Variants in ROBO2 observed in about 807,000 individuals in gnomAD.
ROBO2 encodes roundabout homolog 2.
A neutral mutation model predicts 160.8 loss-of-function variants in ROBO2; 53 were observed. That is an observed-to-expected ratio of 0.33 (90% CI 0.26 to 0.41). The LOEUF is 0.41. Ranked by LOEUF, ROBO2 falls within the 10% of genes least tolerant of loss-of-function variation. The pLI is 1.00. For missense variants in ROBO2, 1,577 were observed against 1,722.4 expected (o/e 0.92, Z 1.49); for synonymous variants, 664 against 611.7 (o/e 1.09, Z -1.26).
intron 19 of ROBO2, among the ~76,000 whole-genome samples, chr3:77,599,235 A>G (rs9873300): frequency 0.75 from 114,482 of 151,892 alleles, 43,406 homozygotes; most frequent in Admixed American, 0.81. Context: ...GCATAGTAAT[A>G]TATGAAATAG....
At chr3:77,285,403 G>T (rs2060515876) in intron 2 of ROBO2, among the ~76,000 whole-genome samples, 1 of 152,186 alleles carries the variant, frequency 6.6e-6, no homozygotes, top group Non-Finnish European at 1.5e-5. Flanking sequence ...AAAACCGTCT[G>T]CTATACAATC....
intron 2 of ROBO2, among the ~76,000 whole-genome samples, chr3:77,242,910 T>C (rs1362057870): frequency 6.6e-6 from 1 of 151,160 alleles, no homozygotes; most frequent in African/African-American, 2.4e-5. Flanking sequence ...ATGAATTAAA[T>C]GAGAGCGGTA....
intron 2 of ROBO2, among the ~76,000 whole-genome samples, chr3:76,384,073 G>A (rs2076765656): frequency 6.6e-6 from 1 of 152,212 alleles, no homozygotes; most frequent in Admixed American, 6.5e-5. Context: ...TACAGTTGCA[G>A]ATTATAAATA....
intron 2 of ROBO2, among the ~76,000 whole-genome samples, chr3:76,753,905 CCTTTT>C (rs1414103656): frequency 6.6e-6 from 1 of 151,756 alleles, no homozygotes; most frequent in Non-Finnish European, 1.5e-5. Flanking sequence ...AAACTATTGC[CCTTTT>C]CTTTGTCCAG....
chr3:76,329,366 G>T (rs1322549170), intron 2 of ROBO2, among the ~76,000 whole-genome samples: 1 of 152,080 alleles, frequency 6.6e-6, no homozygotes, highest in Admixed American at 6.6e-5. Flanking sequence ...TGCAGGTGTG[G>T]ACCACCACAC....
chr3:76,968,223 C>G (rs1298139584), intron 2 of ROBO2, among the ~76,000 whole-genome samples: 1 of 152,116 alleles, frequency 6.6e-6, no homozygotes, highest in Admixed American at 6.5e-5. Context: ...CTCTCTAGAA[C>G]ATATATGAGG....
chr3:77,626,235 T>G (rs1421263470), intron 23 of ROBO2, among the ~76,000 whole-genome samples: 1 of 152,234 alleles, frequency 6.6e-6, no homozygotes, highest in Admixed American at 6.5e-5. Flanking sequence ...ACATTAGTCC[T>G]TTTTCCTTAT....
chr3:76,810,959 C>G (rs1156320949), intron 2 of ROBO2, among the ~76,000 whole-genome samples: 1 of 152,036 alleles, frequency 6.6e-6, no homozygotes, highest in African/African-American at 2.4e-5. Context: ...AAGTTACTTG[C>G]CTAATGAACC....
intron 2 of ROBO2, among the ~76,000 whole-genome samples, chr3:77,262,031 G>A (rs1030844536): frequency 4.6e-5 from 7 of 152,138 alleles, no homozygotes; most frequent in Non-Finnish European, 8.8e-5. Context: ...CTGAAAAATA[G>A]TGGCTTCAAG....
intron 16 of ROBO2, among the ~76,000 whole-genome samples, chr3:77,585,693 A>C (rs1410098394): frequency 6.6e-6 from 1 of 152,068 alleles, no homozygotes; most frequent in African/African-American, 2.4e-5. Context: ...ATTTCTTTTT[A>C]ATATCTACTC....
At chr3:76,036,189 G>A (rs1410992484) in intron 2 of ROBO2, among the ~76,000 whole-genome samples, 3 of 151,848 alleles carry the variant, frequency 2.0e-5, no homozygotes, top group Non-Finnish European at 4.4e-5. Flanking sequence ...TCACTCTGTC[G>A]CCCAGGCTGG....
chr3:77,168,883 G>A (rs535167328), intron 2 of ROBO2, among the ~76,000 whole-genome samples: 100 of 152,280 alleles, frequency 6.6e-4, no homozygotes, highest in Middle Eastern at 3.4e-3. Context: ...TGCAAACTTG[G>A]CAGCTTTTAC....
At chr3:77,312,811 C>T (rs2063661249) in intron 2 of ROBO2, among the ~76,000 whole-genome samples, 1 of 152,192 alleles carries the variant, frequency 6.6e-6, no homozygotes, top group African/African-American at 2.4e-5. Flanking sequence ...TGAATAGAGA[C>T]ATACATGTCA....
At chr3:76,878,031 C>A (rs1365593013) in intron 2 of ROBO2, among the ~76,000 whole-genome samples, 1 of 152,140 alleles carries the variant, frequency 6.6e-6, no homozygotes, top group East Asian at 1.9e-4. Context: ...CCTTTAATTA[C>A]CTTCTAAAAG....
intron 2 of ROBO2, among the ~76,000 whole-genome samples, chr3:77,022,856 C>T (rs908741588): frequency 6.6e-6 from 1 of 152,060 alleles, no homozygotes; most frequent in Non-Finnish European, 1.5e-5. Context: ...TAAGAATATT[C>T]ACGTTGTTGT....
intron 2 of ROBO2, among the ~76,000 whole-genome samples, chr3:77,456,242 C>T (rs1232049939): frequency 1.3e-5 from 2 of 152,080 alleles, no homozygotes. Context: ...AACAACAAGC[C>T]AATAAAATTA....
intron 2 of ROBO2, among the ~76,000 whole-genome samples, chr3:76,337,454 T>G (rs1422517617): frequency 6.6e-6 from 1 of 152,174 alleles, no homozygotes. Context: ...GACAGAAAAT[T>G]TACCTTTGCT....
At chr3:76,777,836 G>A (rs75531568) in intron 2 of ROBO2, among the ~76,000 whole-genome samples, 5 of 150,998 alleles carry the variant, frequency 3.3e-5, no homozygotes, top group Non-Finnish European at 4.5e-5. Context: ...ATGCCTAAAG[G>A]CTTCTTGTGT....
intron 2 of ROBO2, among the ~76,000 whole-genome samples, chr3:76,965,143 G>A (rs2079973644): frequency 6.6e-6 from 1 of 152,210 alleles, no homozygotes; most frequent in Non-Finnish European, 1.5e-5. Context: ...TTAGATAAGA[G>A]TGGTAGAAGA....
Sources: gnomAD v4.1 joint callset for allele counts (sites outside exome capture counted in the v4.1 genomes callset) on GRCh38, gnomAD v4.1.1 for gene constraint, MANE v1.5 for transcripts, NCBI Gene and HGNC (gene_info 2026-07-23, HGNC 2026-07-21) for gene names.